The following ZUP1 variants were observed in gnomAD, a reference collection of about 807,000 sequenced individuals.
ZUP1 encodes the protein zinc finger containing ubiquitin peptidase 1.
ZUP1 carries 55 observed loss-of-function variants against 68.1 expected under a neutral mutation model. That is an observed-to-expected ratio of 0.81 (90% CI 0.65 to 1.01). The LOEUF (loss-of-function observed/expected upper bound fraction) is 1.01. ZUP1 is among the 50% of genes least tolerant of loss of function. The probability of loss-of-function intolerance (pLI) is 0.00; values close to 1 mark genes in which losing one functional copy is unlikely to be tolerated. For synonymous variants in ZUP1, 223 were observed against 221.5 expected (o/e 1.01, Z -0.06); for missense variants, 684 against 674.9 (o/e 1.01, Z -0.15).
intron 9 of ZUP1, among the ~76,000 whole-genome samples, chr6:116,641,343 T>G (rs1009166356): frequency 6.6e-6 from 1 of 152,174 alleles, no homozygotes; most frequent in African/African-American, 2.4e-5. Flanking sequence ...GCGGACCTAA[T>G]AGACATCTAC....
rs185741504 is a variant in ZUP1, at chr6:116,651,714, T to C, written c.1174A>G (p.Lys392Glu). The change falls in exon 7 of 10, where the codon AAA (lysine) becomes GAA (glutamate). Residue 392 changes from lysine to glutamate, a missense_variant. Lys to Glu is a moderately conservative substitution (Grantham distance 56). Coordinates refer to ENST00000368576, the MANE Select transcript of ZUP1 (RefSeq NM_145062.3). ...GCATCTTCAATCATAGATTGAATTTTTGGAATGCAAGGAATCAACATACCT... is the reference window on the plus strand; with the variant it reads ...GCATCTTCAATCATAGATTGAATTTCTGGAATGCAAGGAATCAACATACCT... ...LKGMLIPCIP[K>E]IQSMIEDAWK... The C allele has an allele frequency of 1.9e-6, 3 of 1,613,722 alleles. No individual in the cohort carries two copies. In the African/African-American group the frequency reaches 4.0e-5, roughly 22 times the overall value.
intron 2 of ZUP1, among the ~76,000 whole-genome samples, chr6:116,662,175 T>C (rs1776862916): frequency 6.6e-6 from 1 of 152,186 alleles, no homozygotes; most frequent in Admixed American, 6.5e-5. Flanking sequence ...GGTATACAGC[T>C]TCCATAAGTA....
intron 9 of ZUP1, among the ~76,000 whole-genome samples, chr6:116,644,588 A>G (rs903148231): frequency 1.3e-5 from 2 of 151,872 alleles, no homozygotes; most frequent in African/African-American, 2.4e-5. Flanking sequence ...CTATCGCAAG[A>G]ACAAAACACC....
intron 4 of ZUP1, among the ~76,000 whole-genome samples, 172 bp from the exon 5 acceptor site, chr6:116,657,024 C>T (rs13202949): frequency 2.3e-5 from 2 of 87,240 alleles, no homozygotes; most frequent in African/African-American, 7.6e-5. Context: ...CACACACACA[C>T]AAAAAAAAAT....
rs145353256 is a variant in ZUP1 at position 116,667,296 on chromosome 6, G to T, written c.-15-89C>A. 3.7e-6 allele frequency: 3 copies of T among 814,656 alleles called. No individual in the cohort carries two copies. The African/African-American group carries it at 5.3e-5, about 14-fold the overall frequency. 50.5% of individuals were successfully genotyped at this position (814,656 alleles called of 1,614,324 possible). ...TTGAGACAATTACTTGGTCTTTAAC[G>T]CTGGATTATTTTGATGAAGAAGTTT... On this transcript the variant is annotated intron_variant, in intron 1 of 9. Coordinates refer to ENST00000368576, the MANE Select transcript of ZUP1 (RefSeq NM_145062.3).
chr6:116,661,192 T>G (rs1341167957), intron 2 of ZUP1, among the ~76,000 whole-genome samples: 6 of 152,076 alleles, frequency 3.9e-5, no homozygotes, highest in Non-Finnish European at 8.8e-5. Context: ...GTTTTATTTT[T>G]ATAACTTTTA....
intron 9 of ZUP1, among the ~76,000 whole-genome samples, chr6:116,644,025 A>T (rs1436131966): frequency 6.6e-6 from 1 of 152,230 alleles, no homozygotes; most frequent in Non-Finnish European, 1.5e-5. Flanking sequence ...AAAAGTGGGC[A>T]AACGATATGA....
At chr6:116,662,041 A>G (rs1481173573) in intron 2 of ZUP1, among the ~76,000 whole-genome samples, 2 of 152,244 alleles carry the variant, frequency 1.3e-5, no homozygotes, top group African/African-American at 2.4e-5. Flanking sequence ...AAAAATAGAA[A>G]GATGAAGAAA....
intron 2 of ZUP1, among the ~76,000 whole-genome samples, chr6:116,662,560 C>T (rs1407878482): frequency 6.6e-6 from 1 of 152,158 alleles, no homozygotes; most frequent in Admixed American, 6.5e-5. Context: ...GCTAATCTGA[C>T]CCAAGCTATT....
chr6:116,655,278 G>T (rs1403523085), intron 5 of ZUP1, among the ~76,000 whole-genome samples: 1 of 152,070 alleles, frequency 6.6e-6, no homozygotes, highest in East Asian at 1.9e-4. Flanking sequence ...AATGAATGAA[G>T]TAGAACTGTA....
intron 1 of ZUP1, among the ~76,000 whole-genome samples, chr6:116,667,891 T>G (rs970969549): frequency 6.6e-6 from 1 of 152,138 alleles, no homozygotes; most frequent in African/African-American, 2.4e-5. Flanking sequence ...AATTTCAGAT[T>G]CATCATTTTG....
intron 4 of ZUP1, among the ~76,000 whole-genome samples, chr6:116,658,517 A>G (rs1427486905): frequency 1.3e-5 from 2 of 152,190 alleles, no homozygotes; most frequent in Non-Finnish European, 2.9e-5. Context: ...ACACTGAGCA[A>G]ATTACTTAAC....
chr6:116,666,627 A>ATGT lies in ZUP1; in HGVS notation c.559+6_559+7insACA. On this transcript the variant is annotated splice_region_variant and intron_variant, in intron 2 of 9. Transcript: ENST00000368576. ...ACTTATAATTTATAATGAAATGAAA[A>ATGT]CTTTACCTTCCAATGGAATGTCTAA... 6.5e-7 allele frequency: 1 copy of ATGT among 1,539,652 alleles called. No individual in the cohort carries two copies. Among genetic ancestry groups the ATGT allele is most frequent in the Non-Finnish European group, 8.7e-7 (1 of 1,147,032 alleles).
intron 9 of ZUP1, among the ~76,000 whole-genome samples, chr6:116,637,893 T>C (rs542138761): frequency 6.6e-6 from 1 of 152,024 alleles, no homozygotes; most frequent in Non-Finnish European, 1.5e-5. Flanking sequence ...TGAAACCCCA[T>C]CTCTACTAAA....
At chr6:116,656,363 C>T (rs2114265349) in intron 5 of ZUP1, among the ~76,000 whole-genome samples, 1 of 151,500 alleles carries the variant, frequency 6.6e-6, no homozygotes, top group Non-Finnish European at 1.5e-5. Flanking sequence ...GGATTACAGG[C>T]ATGAGCCACC....
chr6:116,656,659 A>G, intron 5 of ZUP1, 25 bp downstream of exon 5: 1 of 1,580,608 alleles, frequency 6.3e-7, no homozygotes, highest in Non-Finnish European at 8.6e-7. Flanking sequence ...TATTAAAACA[A>G]TGACTCTGAT....
chr6:116,647,388 A>G, intron 8 of ZUP1, 71 bp downstream of exon 8: 1 of 1,321,734 alleles, frequency 7.6e-7, no homozygotes, highest in Non-Finnish European at 1.0e-6. Flanking sequence ...AAAAAACCTT[A>G]ACCTGTCTGA....
chr6:116,656,775 T>G lies in ZUP1; in HGVS notation c.870A>C (p.Gly290=). 1 of 1,611,936 alleles carries G rather than the reference T, an allele frequency of 6.2e-7. No homozygotes were observed. Among genetic ancestry groups the G allele is most frequent in the African/African-American group, 1.3e-5 (1 of 75,006 alleles). ...LRNMEIEVNR[G]RMPPSEFHRR... is the part of the protein sequence containing the mutation. Reference sequence around the variant, plus strand: ...TATGAAATTCAGATGGAGGCATTCTTCCCCTATTTACTTCTATCTCCATAT... The same window carrying G: ...TATGAAATTCAGATGGAGGCATTCTGCCCCTATTTACTTCTATCTCCATAT... The change falls in exon 5 of 10, where the codon GGA becomes GGC. Residue 290 remains glycine (G), a synonymous_variant. Coordinates refer to ENST00000368576, the MANE Select transcript of ZUP1 (RefSeq NM_145062.3).
Position 116,647,491 on chromosome 6 carries a change from G to A in ZUP1, c.1436C>T (p.Thr479Ile), listed in dbSNP as rs1776348016. ...CTGAAGATAGATAGGAGGTTTAGAT[G>A]TACACACTACCTTTGGACTCCCTTC... ...EGEGSPKVVC[T>I]SKPPIYLQHQ... Residue 479 changes from threonine to isoleucine, a missense_variant, in exon 8 of 10, where the codon ACA (threonine) becomes ATA (isoleucine). Transcript: ENST00000368576. The A allele has an allele frequency of 6.3e-7, 1 of 1,587,738 alleles. No homozygotes were observed. Among genetic ancestry groups the A allele is most frequent in the African/African-American group, 1.3e-5 (1 of 74,666 alleles).
Sources: allele counts gnomAD v4.1 joint callset (sites outside exome capture counted in the v4.1 genomes callset), GRCh38; gene constraint gnomAD v4.1.1; transcripts MANE v1.5; gene names NCBI Gene and HGNC (gene_info 2026-07-23, HGNC 2026-07-21).